Variants in XKR4 observed in about 807,000 individuals in gnomAD.
The protein encoded by XKR4 is XK related 4.
In XKR4, 12 loss-of-function variants were observed where a neutral mutation model predicts 53.9. The ratio of observed to expected loss-of-function variants is 0.22; its 90% CI spans 0.14 to 0.36. The LOEUF (loss-of-function observed/expected upper bound fraction) is 0.36. Among genes scored for constraint, XKR4 ranks in the 10% least tolerant of loss-of-function variants. The pLI is 1.00. For synonymous variants in XKR4, 354 were observed against 362.4 expected, an observed-to-expected ratio of 0.98 and a Z score of 0.26; for missense variants, 799 against 859.5, an observed-to-expected ratio of 0.93 and a Z score of 0.88.
chr8:55,286,718 C>T lies in XKR4; in HGVS notation c.807-70960C>T, dbSNP rs1006568625. On this transcript the variant is annotated intron_variant, in intron 1 of 2. Coordinates refer to ENST00000327381, the MANE Select transcript of XKR4 (RefSeq NM_052898.2). ...ACAGCAGGGAGGCTGTGCCCTTTTC[C>T]TCTTTTTATGGGATCTCATAGCTTT... Among the ~76,000 whole-genome samples the T allele has an allele frequency of 5.9e-5, 9 of 152,214 alleles. No homozygotes were observed. In the East Asian group the frequency reaches 1.7e-3, roughly 29 times the overall value.
chr8:55,415,949 A>G lies in XKR4; in HGVS notation c.1006+58072A>G, dbSNP rs200270801. Among the ~76,000 whole-genome samples, 8 of 152,314 alleles carry G rather than the reference A, an allele frequency of 5.3e-5. No individual in the cohort carries two copies. The East Asian group carries it at 1.5e-3, about 29-fold the overall frequency. The stretch of plus-strand genomic sequence containing the variant: ...GATAATCATCATGCTAATCAAAACA[A>G]TGGTCACCTGGTGACTCAGAGGAAC... On this transcript the variant is annotated intron_variant, in intron 2 of 2. Transcript: ENST00000327381.
intron 1 of XKR4, among the ~76,000 whole-genome samples, chr8:55,148,735 A>G (rs1036456528): frequency 2.0e-5 from 3 of 152,208 alleles, no homozygotes; most frequent in Non-Finnish European, 4.4e-5. Flanking sequence ...TAAACAATTA[A>G]CAGCCAACTC....
intron 1 of XKR4, among the ~76,000 whole-genome samples, chr8:55,191,756 T>C: frequency 6.6e-6 from 1 of 152,094 alleles, no homozygotes; most frequent in East Asian, 1.9e-4. Flanking sequence ...GAAGATTTTT[T>C]CCTTTAATTT....
At chr8:55,154,778 A>G (rs1356848558) in intron 1 of XKR4, among the ~76,000 whole-genome samples, 1 of 152,234 alleles carries the variant, frequency 6.6e-6, no homozygotes, top group East Asian at 1.9e-4. Flanking sequence ...GCCTAAATTC[A>G]CTTAAAAAGT....
chr8:55,240,045 A>G (rs979599327), intron 1 of XKR4, among the ~76,000 whole-genome samples: 10 of 152,172 alleles, frequency 6.6e-5, no homozygotes, highest in African/African-American at 9.7e-5. Context: ...CACTGTGTGC[A>G]TGTTTCTGTC....
At chr8:55,187,305 C>CAAAAAAAAAAAAA (rs1168014848) in intron 1 of XKR4, among the ~76,000 whole-genome samples, 2 of 95,866 alleles carry the variant, frequency 2.1e-5, no homozygotes, top group African/African-American at 4.0e-5. Context: ...TTTCCAGGAC[C>CAAAAAAAAAAAAA]AAAAAAAAAA....
chr8:55,232,343 C>T (rs1818053661), intron 1 of XKR4, among the ~76,000 whole-genome samples: 1 of 152,214 alleles, frequency 6.6e-6, no homozygotes, highest in Non-Finnish European at 1.5e-5. Context: ...TGCCAGGCCA[C>T]AGTTTGGAAC....
chr8:55,281,456 A>G (rs1818843836), intron 1 of XKR4, among the ~76,000 whole-genome samples: 1 of 152,226 alleles, frequency 6.6e-6, no homozygotes, highest in South Asian at 2.1e-4. Flanking sequence ...GGAGGGACTC[A>G]AGGTCAAAAT....
At chr8:55,423,450 C>T (rs910494326) in intron 2 of XKR4, among the ~76,000 whole-genome samples, 2 of 152,176 alleles carry the variant, frequency 1.3e-5, no homozygotes, top group East Asian at 3.9e-4. Flanking sequence ...TTATTTGCCT[C>T]TGTTATGCAA....
Position 55,489,184 on chromosome 8 carries a change from C to T in XKR4, c.1007-34097C>T, listed in dbSNP as rs1056658769. Among the ~76,000 whole-genome samples the T allele has an allele frequency of 2.2e-4, 33 of 152,098 alleles. 2 individuals are homozygous for T. Among genetic ancestry groups the T allele is most frequent in the African/African-American group, 8.0e-4 (33 of 41,420 alleles). On this transcript the variant is annotated intron_variant, in intron 2 of 2. Coordinates refer to ENST00000327381, the MANE Select transcript of XKR4 (RefSeq NM_052898.2). Reference sequence around the variant, plus strand: ...GTATTCATATTGGCTCATCAATGTACTGCATCGGTAACAAATGCATCACAA... The same window carrying T: ...GTATTCATATTGGCTCATCAATGTATTGCATCGGTAACAAATGCATCACAA...
chr8:55,182,591 A>G (rs1397671974), intron 1 of XKR4, among the ~76,000 whole-genome samples: 1 of 152,170 alleles, frequency 6.6e-6, no homozygotes, highest in African/African-American at 2.4e-5. Context: ...CCTTTGTCAA[A>G]AATTGATTGA....
At chr8:55,206,840 G>A (rs1191095422) in intron 1 of XKR4, among the ~76,000 whole-genome samples, 1 of 152,206 alleles carries the variant, frequency 6.6e-6, no homozygotes, top group Non-Finnish European at 1.5e-5. Context: ...AGTTATTGCA[G>A]AAAGAATGTA....
intron 1 of XKR4, among the ~76,000 whole-genome samples, chr8:55,298,642 C>A (rs1819136175): frequency 7.2e-5 from 11 of 152,124 alleles, no homozygotes; most frequent in Admixed American, 7.2e-4. Context: ...GCCCCATCTC[C>A]AACATTAGGG....
At chr8:55,476,929 G>T (rs1272437653) in intron 2 of XKR4, among the ~76,000 whole-genome samples, 1 of 152,132 alleles carries the variant, frequency 6.6e-6, no homozygotes, top group Non-Finnish European at 1.5e-5. Flanking sequence ...CACAGCTCAA[G>T]GAGGCCTGCC....
intron 2 of XKR4, among the ~76,000 whole-genome samples, chr8:55,460,247 C>A (rs1563356687): frequency 6.6e-6 from 1 of 152,110 alleles, no homozygotes; most frequent in African/African-American, 2.4e-5. Context: ...TAACAGAAAG[C>A]AGATCAGTGG....
chr8:55,339,847 T>A (rs1328461421), intron 1 of XKR4, among the ~76,000 whole-genome samples: 1 of 152,038 alleles, frequency 6.6e-6, no homozygotes, highest in Non-Finnish European at 1.5e-5. Context: ...TGTGTTAGAT[T>A]TTTACTATTA....
chr8:55,117,194 G>A (rs886259219), intron 1 of XKR4, among the ~76,000 whole-genome samples: 1 of 152,114 alleles, frequency 6.6e-6, no homozygotes, highest in African/African-American at 2.4e-5. Flanking sequence ...ACATTGCTGA[G>A]CTAGATGATG....
chr8:55,433,999 ACTC>A (rs1361111616), intron 2 of XKR4, among the ~76,000 whole-genome samples: 3 of 152,226 alleles, frequency 2.0e-5, no homozygotes, highest in Non-Finnish European at 4.4e-5. Flanking sequence ...ACACCACTGC[ACTC>A]CAGCCTGGGC....
rs370876504 is a variant in XKR4 at position 55,189,739 on chromosome 8, A to G, written c.806+86445A>G. ...ACATCGTTATGCTGCACATTACTGT[A>G]TTTGTATTTGTCAGCACTTTTGTTT... On this transcript the variant is annotated intron_variant, in intron 1 of 2. Coordinates refer to ENST00000327381, the MANE Select transcript of XKR4 (RefSeq NM_052898.2). Among the ~76,000 whole-genome samples the G allele has an allele frequency of 1.6e-4, 24 of 152,232 alleles. No homozygotes were observed. In the South Asian group the frequency reaches 4.8e-3, roughly 30 times the overall value.
Sources: allele counts gnomAD v4.1 joint callset (sites outside exome capture counted in the v4.1 genomes callset), GRCh38; gene constraint gnomAD v4.1.1; transcripts MANE v1.5; gene names NCBI Gene and HGNC (gene_info 2026-07-23, HGNC 2026-07-21).